The following PMFBP1 variants were observed in gnomAD, a reference collection of about 807,000 sequenced individuals.
The protein encoded by PMFBP1 is polyamine-modulated factor 1-binding protein 1.
PMFBP1 carries 131 observed loss-of-function variants against 137.8 expected under a neutral mutation model. The observed-to-expected ratio is 0.95, with a 90% confidence interval of 0.82 to 1.10. The LOEUF is 1.10. Among genes scored for constraint, PMFBP1 ranks in the 50% least tolerant of loss-of-function variants. The pLI, the probability that PMFBP1 is intolerant of heterozygous loss-of-function variation, is 0.00. For missense variants in PMFBP1, 1,199 were observed against 1,175.4 expected, an observed-to-expected ratio of 1.02 and a Z score of -0.29; for synonymous variants, 490 against 450.4, an observed-to-expected ratio of 1.09 and a Z score of -1.11.
intron 5 of PMFBP1, among the ~76,000 whole-genome samples, chr16:72,148,260 T>C (rs568460090): frequency 2.8e-5 from 4 of 145,202 alleles, no homozygotes; most frequent in South Asian, 2.1e-4. Flanking sequence ...CTCAGCAAAG[T>C]AACACAAGAA....
intron 14 of PMFBP1, among the ~76,000 whole-genome samples, chr16:72,127,160 T>C (rs1380743624): frequency 6.6e-6 from 1 of 152,186 alleles, no homozygotes; most frequent in African/African-American, 2.4e-5. Flanking sequence ...CAGAAACACA[T>C]TCTTTTGGGT....
intron 2 of PMFBP1, among the ~76,000 whole-genome samples, chr16:72,169,721 C>T (rs182707916): frequency 3.7e-4 from 56 of 151,832 alleles, no homozygotes; most frequent in African/African-American, 1.3e-3. Flanking sequence ...AAAAAGATAT[C>T]TGAGAGATCC....
chr16:72,142,750 T>G (rs2144362753), intron 5 of PMFBP1, among the ~76,000 whole-genome samples: 1 of 152,296 alleles, frequency 6.6e-6, no homozygotes, highest in Middle Eastern at 3.4e-3. Flanking sequence ...CCGAGCATAG[T>G]AATGAGAAAC....
intron 2 of PMFBP1, among the ~76,000 whole-genome samples, chr16:72,170,762 C>G (rs1374814011): frequency 6.6e-6 from 1 of 152,114 alleles, no homozygotes; most frequent in Non-Finnish European, 1.5e-5. Flanking sequence ...AAATATTAAA[C>G]TAATCAGACA....
At chr16:72,218,937 G>A in the PMFBP1 span, among the ~76,000 whole-genome samples, 1 of 152,104 alleles carries the variant, frequency 6.6e-6, no homozygotes, top group African/African-American at 2.4e-5. Flanking sequence ...TGTAAAACAT[G>A]AGGGGACAAA....
chr16:72,162,637 G>A (rs2043081710), intron 3 of PMFBP1, among the ~76,000 whole-genome samples: 1 of 152,190 alleles, frequency 6.6e-6, no homozygotes, highest in African/African-American at 2.4e-5. Context: ...TGTATGCATA[G>A]TCTGCTATTT....
chr16:72,243,680 G>A, the PMFBP1 span, among the ~76,000 whole-genome samples: 1 of 152,088 alleles, frequency 6.6e-6, no homozygotes, highest in African/African-American at 2.4e-5. Context: ...CAGTCCAAGT[G>A]GCTCAGTCAC....
the PMFBP1 span, among the ~76,000 whole-genome samples, chr16:72,188,030 A>G: frequency 1.3e-5 from 2 of 152,242 alleles, no homozygotes; most frequent in Non-Finnish European, 2.9e-5. Flanking sequence ...GGCAAATGCC[A>G]AATGTTTTCA....
At chr16:72,137,112 T>TA (rs1567627410) in intron 7 of PMFBP1, among the ~76,000 whole-genome samples, 1 of 152,110 alleles carries the variant, frequency 6.6e-6, no homozygotes, top group Non-Finnish European at 1.5e-5. Context: ...GAAATTTTTT[T>TA]AAAAAAGAGA....
intron 16 of PMFBP1, 50 bp downstream of exon 16, chr16:72,125,188 C>T (rs375234116): frequency 7.6e-5 from 120 of 1,583,790 alleles, no homozygotes; most frequent in Non-Finnish European, 6.3e-5. Flanking sequence ...AAGAGGTGAC[C>T]TTGTGGACCC....
intron 14 of PMFBP1, chr16:72,128,338 T>C (rs1363578648): frequency 7.8e-7 from 1 of 1,282,640 alleles, no homozygotes; most frequent in Non-Finnish European, 1.0e-6. Flanking sequence ...TTTGGAAGTG[T>C]TCCCTAGCAA....
At chr16:72,131,371 A>C (rs1450587880) in intron 10 of PMFBP1, among the ~76,000 whole-genome samples, 1 of 152,160 alleles carries the variant, frequency 6.6e-6, no homozygotes, top group African/African-American at 2.4e-5. Flanking sequence ...AAATGCTTAG[A>C]TGTGGTTTAG....
At chr16:72,129,616 CCTA>C (rs1446414074) in intron 12 of PMFBP1, among the ~76,000 whole-genome samples, 2 of 152,202 alleles carry the variant, frequency 1.3e-5, no homozygotes, top group African/African-American at 4.8e-5. Context: ...ACAATTATCT[CCTA>C]CTGCTGGGCA....
chr16:72,198,631 C>T, the PMFBP1 span, among the ~76,000 whole-genome samples: 5 of 152,128 alleles, frequency 3.3e-5, no homozygotes, highest in South Asian at 2.1e-4. Context: ...CCTCCACTTT[C>T]AGTAGTAGTT....
upstream of PMFBP1, among the ~76,000 whole-genome samples, chr16:72,177,666 G>C (rs959819144): frequency 6.6e-6 from 1 of 152,086 alleles, no homozygotes; most frequent in African/African-American, 2.4e-5. Flanking sequence ...CCAAAACTAT[G>C]GACAAAACTG....
chr16:72,137,551 C>T (rs1343758186), intron 7 of PMFBP1, among the ~76,000 whole-genome samples: 14 of 152,000 alleles, frequency 9.2e-5, no homozygotes, highest in Admixed American at 7.9e-4. Context: ...AGCTTTCAGG[C>T]GGGGAGACCA....
the PMFBP1 span, among the ~76,000 whole-genome samples, chr16:72,187,632 T>C: frequency 6.6e-6 from 1 of 152,132 alleles, no homozygotes; most frequent in African/African-American, 2.4e-5. Context: ...GAGAGTGAGG[T>C]GGTTACATAT....
At chr16:72,125,137 C>T in intron 16 of PMFBP1, 101 bp downstream of exon 16, 1 of 1,466,764 alleles carries the variant, frequency 6.8e-7, no homozygotes, top group South Asian at 1.3e-5. Context: ...GGGAACCTAG[C>T]AGCCCAAGGG....
intron 2 of PMFBP1, 75 bp downstream of exon 2, chr16:72,171,122 G>T: frequency 6.6e-7 from 1 of 1,507,452 alleles, no homozygotes; most frequent in Non-Finnish European, 9.2e-7. Context: ...CTGGAATTTT[G>T]AATCATAAAA....
Sources: allele counts gnomAD v4.1 joint callset (sites outside exome capture counted in the v4.1 genomes callset), GRCh38; gene constraint gnomAD v4.1.1; transcripts MANE v1.5; gene names NCBI Gene and HGNC (gene_info 2026-07-23, HGNC 2026-07-21).